Variants in CENPP observed in about 807,000 individuals in gnomAD.
CENPP encodes centromere protein P.
In CENPP, 24 loss-of-function variants were observed where a neutral mutation model predicts 35.6. The ratio of observed to expected loss-of-function variants is 0.67; its 90% confidence interval spans 0.49 to 0.95. The LOEUF is 0.95. Ranked by LOEUF, CENPP falls within the 40% of genes least tolerant of loss-of-function variation. The pLI is 0.00. For synonymous variants in CENPP, 120 were observed against 125.5 expected, an observed-to-expected ratio of 0.96 and a Z score of 0.29; for missense variants, 332 against 345.3, an observed-to-expected ratio of 0.96 and a Z score of 0.31.
chr9:92,356,671 A>G (rs555035060), intron 4 of CENPP, among the ~76,000 whole-genome samples: 1 of 152,220 alleles, frequency 6.6e-6, no homozygotes, highest in Non-Finnish European at 1.5e-5. Flanking sequence ...ATTTATGTTC[A>G]GAGATTAAAG....
chr9:92,420,846 G>T (rs1843770245), intron 5 of CENPP, among the ~76,000 whole-genome samples: 1 of 149,232 alleles, frequency 6.7e-6, no homozygotes, highest in Non-Finnish European at 1.5e-5. Context: ...TTTTCTGTGA[G>T]ATTCGTGGAA....
At position 92,581,893 on chromosome 9, in the gene CENPP, C is replaced by A. The variant is rs144651546; in HGVS notation, c.565-29421C>A. Among the ~76,000 whole-genome samples the A allele has an allele frequency of 6.4e-4, 98 of 152,232 alleles. No homozygotes were observed. In the East Asian group the frequency reaches 0.018, roughly 28 times the overall value. ...GCTTGAAATTAAAATGTTCTGAATT[C>A]TTGTGTTCAAGAGGAGGACTGAGAC... On this transcript the variant is annotated intron_variant, in intron 5 of 7. Coordinates refer to ENST00000375587, the MANE Select transcript of CENPP (RefSeq NM_001012267.3).
intron 5 of CENPP, chr9:92,470,593 A>G (rs994080809): frequency 1.9e-5 from 14 of 748,324 alleles, no homozygotes; most frequent in East Asian, 1.8e-4. Flanking sequence ...TTATACTAAC[A>G]TAGTATAATT....
intron 5 of CENPP, among the ~76,000 whole-genome samples, chr9:92,381,614 C>T (rs1842248021): frequency 6.6e-6 from 1 of 152,152 alleles, no homozygotes; most frequent in Admixed American, 6.5e-5. Context: ...GTACATTTTG[C>T]TTATCCATTC....
At chr9:92,576,700 G>T (rs1056405841) in intron 5 of CENPP, among the ~76,000 whole-genome samples, 3 of 152,024 alleles carry the variant, frequency 2.0e-5, no homozygotes, top group Non-Finnish European at 4.4e-5. Context: ...CATTACATGT[G>T]TATACATAAT....
intron 5 of CENPP, among the ~76,000 whole-genome samples, chr9:92,558,987 A>C (rs1415969490): frequency 6.6e-6 from 1 of 152,042 alleles, no homozygotes; most frequent in East Asian, 1.9e-4. Flanking sequence ...CCCGCCACCC[A>C]ACAGCCCCAA....
intron 5 of CENPP, among the ~76,000 whole-genome samples, chr9:92,554,903 T>C (rs985743446): frequency 6.6e-6 from 1 of 152,306 alleles, no homozygotes; most frequent in African/African-American, 2.4e-5. Context: ...CCCAAAGTGC[T>C]GAGATTACAG....
upstream of CENPP, chr9:92,325,684 C>CT (rs908802041): frequency 1.8e-5 from 6 of 333,802 alleles, no homozygotes; most frequent in Non-Finnish European, 2.8e-5. Context: ...CGGGCGGCTC[C>CT]AAGGCTGCCG....
At chr9:92,572,645 T>G (rs370936510) in intron 5 of CENPP, among the ~76,000 whole-genome samples, 5 of 152,194 alleles carry the variant, frequency 3.3e-5, no homozygotes, top group African/African-American at 4.8e-5. Context: ...TGCCTTGCTA[T>G]GTTGGGGAAG....
chr9:92,449,283 T>C (rs1001568904), intron 5 of CENPP, among the ~76,000 whole-genome samples: 2 of 151,160 alleles, frequency 1.3e-5, no homozygotes, highest in Non-Finnish European at 3.0e-5. Context: ...CTACTAAAAA[T>C]ACAAAAAATT....
rs557009639 is a variant in CENPP, at chr9:92,382,503, G to C, written c.564+2644G>C. Among the ~76,000 whole-genome samples the C allele has an allele frequency of 2.6e-5, 4 of 152,164 alleles. No homozygotes were observed. The South Asian group carries it at 8.3e-4, about 32-fold the overall frequency. Reference sequence around the variant, plus strand: ...ATCCTTTAACAAATCTCTCCCAAAAGTTTTAAATTTTGATGGAGACCAGTT... The same window carrying C: ...ATCCTTTAACAAATCTCTCCCAAAACTTTTAAATTTTGATGGAGACCAGTT... On this transcript the variant is annotated intron_variant, in intron 5 of 7. Coordinates refer to ENST00000375587, the MANE Select transcript of CENPP (RefSeq NM_001012267.3).
chr9:92,414,441 T>C (rs1843528440), intron 5 of CENPP: 1 of 207,900 alleles, frequency 4.8e-6, no homozygotes, highest in South Asian at 1.9e-4. Flanking sequence ...AAAATACAAA[T>C]TGCAATGAGA....
At chr9:92,607,210 A>G (rs909491422) in intron 5 of CENPP, among the ~76,000 whole-genome samples, 1 of 95,964 alleles carries the variant, frequency 1.0e-5, no homozygotes, top group Non-Finnish European at 2.4e-5. Flanking sequence ...TGTTTTTTTT[A>G]TCATGTGAAT....
Position 92,615,719 on chromosome 9 carries a change from G to T in CENPP, c.*2570G>T. 2.5e-6 allele frequency: 2 copies of T among 786,686 alleles called. No individual in the cohort carries two copies. The highest frequency in any genetic ancestry group is 2.1e-6 in the Non-Finnish European group (1 of 479,004). 48.7% of individuals were successfully genotyped at this position (786,686 alleles called of 1,614,324 possible). ...TCCAAGAGGCAATCCCACCTCAAAAGGGGTTAAAAGCAAAAACATTCACAA... is the reference window on the plus strand; with the variant it reads ...TCCAAGAGGCAATCCCACCTCAAAATGGGTTAAAAGCAAAAACATTCACAA... On this transcript the variant is annotated 3_prime_UTR_variant, in exon 8 of 8. Transcript: ENST00000375587.
At chr9:92,487,661 C>T (rs1005886001) in intron 5 of CENPP, among the ~76,000 whole-genome samples, 7 of 152,040 alleles carry the variant, frequency 4.6e-5, no homozygotes, top group African/African-American at 1.7e-4. Context: ...CCTGTCTCTA[C>T]AAAAAATAAA....
chr9:92,466,076 G>T (rs371518194), intron 5 of CENPP, among the ~76,000 whole-genome samples: 1 of 152,044 alleles, frequency 6.6e-6, no homozygotes, highest in Non-Finnish European at 1.5e-5. Flanking sequence ...TAGGAGATCC[G>T]CCCGCCTTGG....
chr9:92,566,335 A>G (rs997348322), intron 5 of CENPP, among the ~76,000 whole-genome samples: 1 of 151,920 alleles, frequency 6.6e-6, no homozygotes, highest in Non-Finnish European at 1.5e-5. Context: ...AGACATACAA[A>G]GTAACATAAA....
intron 5 of CENPP, among the ~76,000 whole-genome samples, chr9:92,557,456 A>G (rs1216823821): frequency 5.9e-5 from 9 of 152,164 alleles, no homozygotes; most frequent in Non-Finnish European, 1.3e-4. Context: ...AGGAACACCA[A>G]TTATTCTTAG....
chr9:92,447,555 C>T (rs1210618716), intron 5 of CENPP, among the ~76,000 whole-genome samples: 1 of 152,198 alleles, frequency 6.6e-6, no homozygotes, highest in Non-Finnish European at 1.5e-5. Flanking sequence ...CTTTCACCTC[C>T]TGCTGTGTAT....
Sources: allele counts gnomAD v4.1 joint callset (sites outside exome capture counted in the v4.1 genomes callset), GRCh38; gene constraint gnomAD v4.1.1; transcripts MANE v1.5; gene names NCBI Gene and HGNC (gene_info 2026-07-23, HGNC 2026-07-21).